Variants in SNED1 observed in about 807,000 individuals in gnomAD.
The protein encoded by SNED1 is sushi, nidogen and EGF-like domain-containing protein 1.
SNED1 carries 81 observed loss-of-function variants against 166.7 expected under a neutral mutation model. The ratio of observed to expected loss-of-function variants is 0.49; its 90% CI spans 0.41 to 0.58. The LOEUF (loss-of-function observed/expected upper bound fraction) is 0.58. Among genes scored for constraint, SNED1 ranks in the 20% least tolerant of loss-of-function variants. SNED1 has a pLI of 0.00. For missense variants in SNED1, 1,604 were observed against 2,000.2 expected, an observed-to-expected ratio of 0.80 and a Z score of 3.78; for synonymous variants, 762 against 822.0, an observed-to-expected ratio of 0.93 and a Z score of 1.25.
intron 1 of SNED1, among the ~76,000 whole-genome samples, chr2:241,011,915 C>T (rs2060418292): frequency 6.6e-6 from 1 of 152,208 alleles, no homozygotes; most frequent in African/African-American, 2.4e-5. Flanking sequence ...ACAGGGCCGG[C>T]TTGTTCTGCC....
Position 241,048,751 on chromosome 2 carries a change from C to T in SNED1, c.1489C>T (p.Leu497Phe), listed in dbSNP as rs375057450. ...LCQCPLGFFG[L>F]LCEFEITAMP... ...CCAGTGCCCCCTGGGATTCTTTGGGCTTCTCTGTGAATTTGGTAGGTGCCC... is the reference window on the plus strand; with the variant it reads ...CCAGTGCCCCCTGGGATTCTTTGGGTTTCTCTGTGAATTTGGTAGGTGCCC... The change falls in exon 10 of 32, where the codon CTT becomes TTT. Residue 497 changes from leucine (L) to phenylalanine (F), a missense_variant. This residue lies in a region of SNED1 where 1,237 missense variants were observed against 1,620.8 expected (regional missense o/e 0.76). Transcript: ENST00000310397. 24 of 1,611,138 alleles carry T rather than the reference C, an allele frequency of 1.5e-5. No individual in the cohort carries two copies. In the African/African-American group the frequency reaches 1.9e-4, roughly 13 times the overall value.
At chr2:241,038,102 TA>T (rs2061429148) in intron 6 of SNED1, among the ~76,000 whole-genome samples, 1 of 143,804 alleles carries the variant, frequency 7.0e-6, no homozygotes, top group Non-Finnish European at 1.5e-5. Context: ...CATCTCACCA[TA>T]GGGCTCTGCT....
rs2060660074 is a variant in SNED1 at position 241,018,256 on chromosome 2, A to G, written c.214-12028A>G. Among the ~76,000 whole-genome samples the G allele has an allele frequency of 6.6e-6, 1 of 152,248 alleles. No individual in the cohort carries two copies. The highest frequency in any genetic ancestry group is 1.5e-5 in the Non-Finnish European group (1 of 68,038). On this transcript the variant is annotated intron_variant, in intron 1 of 31. Transcript: ENST00000310397. The surrounding 1 kb of genome is among the most constrained non-coding windows in gnomAD (Gnocchi z 5.4). ...CAGGCGCTCAGATGACGGGGAAGCT[A>G]TGAATTCAAGTCAGCAAGATGGAAG...
intron 30 of SNED1, chr2:241,088,112 CCTCTCT>C: frequency 2.0e-6 from 1 of 498,748 alleles, no homozygotes; most frequent in South Asian, 2.8e-5. Flanking sequence ...CCACGTCCAT[CCTCTCT>C]CTCTCTGACT....
intron 8 of SNED1, 143 bp downstream of exon 8, chr2:241,040,556 T>C: frequency 1.6e-6 from 1 of 615,694 alleles, no homozygotes; most frequent in Non-Finnish European, 2.8e-6. Context: ...CTCTGCCCCC[T>C]TCCCACTCCC....
intron 21 of SNED1, among the ~76,000 whole-genome samples, chr2:241,067,559 C>G (rs1444698130): frequency 6.6e-6 from 1 of 152,202 alleles, no homozygotes; most frequent in African/African-American, 2.4e-5. Context: ...GTCATGCTCA[C>G]AGCGGGTTCT....
chr2:241,090,101 A>AT (rs1167953322), intron 31 of SNED1: 1 of 1,500,694 alleles, frequency 6.7e-7, no homozygotes, highest in Non-Finnish European at 8.9e-7. Flanking sequence ...TACATTTTTA[A>AT]TTTTTACTTT....
chr2:241,086,984 G>A (rs1015487887), intron 29 of SNED1: 6 of 160,646 alleles, frequency 3.7e-5, no homozygotes, highest in Non-Finnish European at 8.1e-5. Context: ...TCCGAATCCC[G>A]AATCCCCAAC....
chr2:241,063,845 G>T, intron 18 of SNED1, 145 bp downstream of exon 18: 1 of 775,700 alleles, frequency 1.3e-6, no homozygotes, highest in Non-Finnish European at 2.1e-6. Flanking sequence ...GGGAGGGAGG[G>T]GTGGAGGTGA....
chr2:241,090,356 T>C (rs1199385319), intron 31 of SNED1: 2 of 1,550,320 alleles, frequency 1.3e-6, no homozygotes, highest in East Asian at 4.9e-5. Context: ...TGCCACCTCC[T>C]GTGACAATGA....
chr2:241,071,955 C>A, intron 26 of SNED1, 77 bp downstream of exon 26: 1 of 1,206,422 alleles, frequency 8.3e-7, no homozygotes, highest in South Asian at 1.3e-5. Flanking sequence ...GTCCTGTCCC[C>A]TACATGATGA....
intron 1 of SNED1, among the ~76,000 whole-genome samples, chr2:241,014,020 T>TC (rs1352656142): frequency 6.6e-6 from 1 of 152,038 alleles, no homozygotes; most frequent in African/African-American, 2.4e-5. Flanking sequence ...TTTTCTTTTT[T>TC]TTTTTTAAGA....
chr2:241,052,293 C>G, intron 14 of SNED1, 62 bp from the exon 15 acceptor site: 1 of 1,472,426 alleles, frequency 6.8e-7, no homozygotes, highest in Non-Finnish European at 9.4e-7. Flanking sequence ...GGCAGGATGC[C>G]CCACACAGTC....
At chr2:241,078,983 A>G (rs1377870997) in intron 27 of SNED1, among the ~76,000 whole-genome samples, 1 of 151,720 alleles carries the variant, frequency 6.6e-6, no homozygotes, top group Non-Finnish European at 1.5e-5. Flanking sequence ...GCATGGTGGC[A>G]CACGCCTATA....
intron 16 of SNED1, among the ~76,000 whole-genome samples, chr2:241,057,380 AATATATATATATATATATAT>A (rs57902432): frequency 2.1e-4 from 25 of 118,132 alleles, no homozygotes; most frequent in African/African-American, 9.2e-4. Context: ...TCCATCTCAA[AATATATATATATATATATAT>A]ATATATATAT....
In SNED1 at chr2:241,016,188, ATTT is replaced by A. The variant is rs1181068532; in HGVS notation, c.214-14074_214-14072del. On this transcript the variant is annotated intron_variant, in intron 1 of 31. Coordinates refer to ENST00000310397, the MANE Select transcript of SNED1 (RefSeq NM_001080437.3). ...ACAAAAGCCCACTCTGTCATGGTGG[ATTT>A]TTTTTTTTTTTTTTTTTTTTTGAGA... Among the ~76,000 whole-genome samples the A allele has an allele frequency of 5.6e-3, 386 of 68,676 alleles. 7 individuals are homozygous for A. Among genetic ancestry groups the A allele is most frequent in the African/African-American group, 0.02 (351 of 17,320 alleles). The allele number at this position is 68,676 out of a possible 152,430, so 45.1% of individuals were successfully genotyped here. A position where few individuals can be genotyped will look rare whatever the true frequency, so the allele number is the denominator to read the frequency against.
rs767776263 is a variant in SNED1, at chr2:241,040,140, G to A, written c.1111G>A (p.Ala371Thr). Residue 371 changes from alanine to threonine, a missense_variant, in exon 7 of 32, where the codon GCG (alanine) becomes ACG (threonine). By Grantham distance (58) the Ala-to-Thr change is moderately conservative. This residue lies in a region of SNED1 where 1,237 missense variants were observed against 1,620.8 expected (regional missense o/e 0.76). Coordinates refer to ENST00000310397, the MANE Select transcript of SNED1 (RefSeq NM_001080437.3). ...GGQCQVENGS[A>T]VCVCQAGYTG... ...CCAGTGCCAGGTGGAGAATGGCTCT[G>A]CGGTGTGTGTGTGCCAGGCCGGATA... 11 of 1,602,974 alleles carry A rather than the reference G, an allele frequency of 6.9e-6. No individual in the cohort carries two copies. The highest frequency in any genetic ancestry group is 9.4e-6 in the Non-Finnish European group (11 of 1,174,868).
At chr2:240,998,278 C>T (rs1340447038), upstream of SNED1, among the ~76,000 whole-genome samples, 1 of 152,266 alleles carries the variant, frequency 6.6e-6, no homozygotes, top group East Asian at 1.9e-4. Flanking sequence ...CATTCAGGCA[C>T]TGCCTGGCCA....
At chr2:241,025,893 C>T (rs2060948457) in intron 1 of SNED1, among the ~76,000 whole-genome samples, 2 of 149,784 alleles carry the variant, frequency 1.3e-5, no homozygotes, top group Admixed American at 1.3e-4. Context: ...AGATTGTCTC[C>T]TTGTGAATAA....
Sources: gnomAD v4.1 joint callset for allele counts (sites outside exome capture counted in the v4.1 genomes callset) on GRCh38, gnomAD v4.1.1 for gene constraint, gnomAD v4.1.1 regional missense constraint, Gnocchi (gnomAD v3.1) non-coding constraint, MANE v1.5 for transcripts, NCBI Gene and HGNC (gene_info 2026-07-23, HGNC 2026-07-21) for gene names.